Variants in DSCAM observed in about 807,000 individuals in gnomAD.
DSCAM encodes DS cell adhesion molecule, also known as cell adhesion molecule DSCAM.
DSCAM carries 47 observed loss-of-function variants against 217.7 expected under a neutral mutation model. That is an observed-to-expected ratio of 0.22 (90% CI 0.17 to 0.28). The LOEUF (loss-of-function observed/expected upper bound fraction) is 0.28. DSCAM is among the 10% of genes least tolerant of loss of function. The pLI, the probability that DSCAM is intolerant of heterozygous loss-of-function variation, is 1.00. For synonymous variants in DSCAM, 1,056 were observed against 1,015.3 expected, an observed-to-expected ratio of 1.04 and a Z score of -0.76; for missense variants, 2,080 against 2,618.3, an observed-to-expected ratio of 0.79 and a Z score of 4.49.
chr21:40,616,756 G>T (rs1205708298), intron 3 of DSCAM, among the ~76,000 whole-genome samples: 1 of 152,168 alleles, frequency 6.6e-6, no homozygotes, highest in South Asian at 2.1e-4. Flanking sequence ...GGTGGCTCAC[G>T]CCTGTAATCC....
chr21:40,181,550 G>A (rs2090801543), intron 14 of DSCAM, among the ~76,000 whole-genome samples: 2 of 152,078 alleles, frequency 1.3e-5, no homozygotes, highest in African/African-American at 2.4e-5. Flanking sequence ...TACATAGCTG[G>A]TAACAAGAAG....
At chr21:40,749,030 G>A (rs2146557652) in intron 1 of DSCAM, among the ~76,000 whole-genome samples, 1 of 152,238 alleles carries the variant, frequency 6.6e-6, no homozygotes, top group East Asian at 1.9e-4. Flanking sequence ...ATATCCACAT[G>A]CAGAAGAATG....
At position 40,545,137 on chromosome 21, in the gene DSCAM, C is replaced by G. The variant is rs75252625; in HGVS notation, c.508+147673G>C. On this transcript the variant is annotated intron_variant, in intron 3 of 32. Transcript: ENST00000400454. ...AGAGCTTGTGTTCTGTCCTTCTGCT[C>G]TGTGCCATGTAGGGATACAAGGACA... 2.0e-3 allele frequency among the ~76,000 whole-genome samples: 306 copies of G among 152,280 alleles called. 4 individuals carry two copies. The highest frequency in any genetic ancestry group is 8.4e-4 in the Non-Finnish European group (57 of 68,036).
chr21:40,835,446 A>G lies in DSCAM; in HGVS notation c.43+11173T>C, dbSNP rs542762687. On this transcript the variant is annotated intron_variant, in intron 1 of 32. Coordinates refer to ENST00000400454, the MANE Select transcript of DSCAM (RefSeq NM_001389.5). ...CACCCCCTTTTAAAGGAACATGAGTATAGGAAACTATTATTGTAAAGAGAC... is the reference window on the plus strand; with the variant it reads ...CACCCCCTTTTAAAGGAACATGAGTGTAGGAAACTATTATTGTAAAGAGAC... 6.6e-5 allele frequency among the ~76,000 whole-genome samples: 10 copies of G among 152,288 alleles called. No individual in the cohort carries two copies. The East Asian group carries it at 1.9e-3, about 29-fold the overall frequency.
At chr21:40,464,109 A>T (rs76827337) in intron 3 of DSCAM, among the ~76,000 whole-genome samples, 11,076 of 152,102 alleles carry the variant, frequency 0.073, 789 homozygotes, top group African/African-American at 0.18. Context: ...CCACATATGA[A>T]TTTCTCCCAC....
chr21:40,822,549 T>A, intron 1 of DSCAM, among the ~76,000 whole-genome samples: 1 of 152,086 alleles, frequency 6.6e-6, no homozygotes, highest in Admixed American at 6.5e-5. Context: ...TCTTATTCCA[T>A]ATTCCCAATG....
intron 3 of DSCAM, chr21:40,621,135 T>C (rs2089510319): frequency 1.3e-5 from 2 of 152,098 alleles, no homozygotes; most frequent in South Asian, 4.1e-4. Context: ...CACAGAAACA[T>C]TATCTGATTG....
chr21:40,396,966 C>A (rs1224377018), intron 3 of DSCAM, among the ~76,000 whole-genome samples: 1 of 152,034 alleles, frequency 6.6e-6, no homozygotes, highest in East Asian at 1.9e-4. Context: ...AGGTACCAGA[C>A]CCTCACCTAT....
intron 3 of DSCAM, among the ~76,000 whole-genome samples, chr21:40,642,842 G>A (rs976534132): frequency 1.3e-5 from 2 of 152,080 alleles, no homozygotes; most frequent in Non-Finnish European, 2.9e-5. Flanking sequence ...GGCTCACCTT[G>A]GCCTCTCAAA....
chr21:40,058,952 G>T (rs897809152), intron 28 of DSCAM, among the ~76,000 whole-genome samples: 15 of 152,172 alleles, frequency 9.9e-5, no homozygotes, highest in Admixed American at 8.5e-4. Context: ...CCATTTATTT[G>T]CCATCTGGTT....
intron 11 of DSCAM, among the ~76,000 whole-genome samples, chr21:40,266,635 T>TCATATATATA (rs1555896543): frequency 3.2e-5 from 2 of 62,642 alleles, no homozygotes; most frequent in South Asian, 8.0e-4. Context: ...CAAAGATGTT[T>TCATATATATA]TATATATATA....
chr21:40,455,257 C>T (rs777970449), intron 3 of DSCAM, among the ~76,000 whole-genome samples: 8 of 151,954 alleles, frequency 5.3e-5, no homozygotes, highest in South Asian at 4.2e-4. Context: ...ATCATTTGAA[C>T]GAAATGTATG....
At chr21:40,067,189 C>T (rs1349346772) in intron 27 of DSCAM, among the ~76,000 whole-genome samples, 1 of 152,120 alleles carries the variant, frequency 6.6e-6, no homozygotes, top group Admixed American at 6.5e-5. Context: ...AATAATGGAT[C>T]ACATATCACT....
chr21:40,057,267 CTG>C (rs1362218319), intron 28 of DSCAM, among the ~76,000 whole-genome samples: 1 of 152,198 alleles, frequency 6.6e-6, no homozygotes, highest in East Asian at 1.9e-4. Context: ...TTTCAAATTA[CTG>C]ACTTAACTAA....
intron 12 of DSCAM, among the ~76,000 whole-genome samples, chr21:40,188,802 T>A (rs1381048941): frequency 6.8e-6 from 1 of 148,034 alleles, no homozygotes; most frequent in Non-Finnish European, 1.5e-5. Flanking sequence ...TTTTTTTTTT[T>A]ACTACATTTG....
intron 3 of DSCAM, among the ~76,000 whole-genome samples, chr21:40,609,915 C>T (rs2089290632): frequency 6.6e-6 from 1 of 152,154 alleles, no homozygotes; most frequent in Non-Finnish European, 1.5e-5. Context: ...TTACTCAGTG[C>T]TCTTATATCA....
intron 11 of DSCAM, 103 bp downstream of exon 11, chr21:40,275,994 T>A: frequency 8.1e-7 from 1 of 1,236,846 alleles, no homozygotes; most frequent in South Asian, 2.3e-5. Context: ...GGTCTTCTTT[T>A]GTGTTGCTTT....
chr21:40,336,783 G>A (rs2074433901), intron 8 of DSCAM, among the ~76,000 whole-genome samples: 1 of 152,198 alleles, frequency 6.6e-6, no homozygotes, highest in African/African-American at 2.4e-5. Flanking sequence ...TGACTGAGAA[G>A]AGAGTCAATG....
At chr21:40,056,375 T>C (rs2089023721) in intron 28 of DSCAM, among the ~76,000 whole-genome samples, 1 of 152,236 alleles carries the variant, frequency 6.6e-6, no homozygotes, top group South Asian at 2.1e-4. Flanking sequence ...ACGTTAGTTT[T>C]CCTAACTGAT....
Sources: gnomAD v4.1 joint callset for allele counts (sites outside exome capture counted in the v4.1 genomes callset) on GRCh38, gnomAD v4.1.1 for gene constraint, MANE v1.5 for transcripts, NCBI Gene and HGNC (gene_info 2026-07-23, HGNC 2026-07-21) for gene names.